PTBP3: variants seen among roughly 807,000 people sequenced by gnomAD.
The protein encoded by PTBP3 is polypyrimidine tract-binding protein 3.
PTBP3 carries 20 observed loss-of-function variants against 58.7 expected under a neutral mutation model. That is an observed-to-expected ratio of 0.34 (90% CI 0.24 to 0.50). The LOEUF (loss-of-function observed/expected upper bound fraction) is 0.50. Among genes scored for constraint, PTBP3 ranks in the 20% least tolerant of loss-of-function variants. PTBP3 has a pLI of 0.98. For synonymous variants in PTBP3, 185 were observed against 219.8 expected, an observed-to-expected ratio of 0.84 and a Z score of 1.40; for missense variants, 509 against 637.2, an observed-to-expected ratio of 0.80 and a Z score of 2.17.
intron 1 of PTBP3, among the ~76,000 whole-genome samples, chr9:112,302,124 T>C (rs1164642604): frequency 6.6e-6 from 1 of 152,000 alleles, no homozygotes; most frequent in African/African-American, 2.4e-5. Context: ...GAAAGGAACA[T>C]TACAAAACGC....
the PTBP3 span, among the ~76,000 whole-genome samples, chr9:112,343,766 G>A: frequency 1.3e-5 from 2 of 148,212 alleles, no homozygotes; most frequent in Admixed American, 6.8e-5. Context: ...ACCCCAGCCT[G>A]GGCAACAGAG....
chr9:112,306,659 C>A (rs1829234608), intron 1 of PTBP3, among the ~76,000 whole-genome samples: 1 of 151,238 alleles, frequency 6.6e-6, no homozygotes, highest in Admixed American at 6.6e-5. Flanking sequence ...CTCTGTCACC[C>A]AGGATGCAGT....
Position 112,225,993 on chromosome 9 carries a change from G to T in PTBP3, c.1364+1418C>A, listed in dbSNP as rs961501071. 3.3e-5 allele frequency among the ~76,000 whole-genome samples: 5 copies of T among 152,142 alleles called. No homozygotes were observed. In the East Asian group the frequency reaches 9.6e-4, roughly 29 times the overall value. ...TGGGAGGCAGAGGATGCAGTGAGCT[G>T]AGATCACACCACTGCACTACAGCCT... is the stretch of plus-strand genomic sequence containing the variant. On this transcript the variant is annotated intron_variant, in intron 12 of 13. Coordinates refer to ENST00000374257, the MANE Select transcript of PTBP3 (RefSeq NM_001163788.4).
intron 7 of PTBP3, among the ~76,000 whole-genome samples, chr9:112,247,349 C>T (rs1257842739): frequency 1.3e-5 from 2 of 151,568 alleles, no homozygotes; most frequent in Non-Finnish European, 2.9e-5. Context: ...AAGAAGTGTT[C>T]TGAATTAAAT....
intron 1 of PTBP3, among the ~76,000 whole-genome samples, chr9:112,319,130 G>GAAAA (rs1436224750): frequency 6.8e-5 from 2 of 29,466 alleles, no homozygotes; most frequent in African/African-American, 9.2e-5. Flanking sequence ...TCCGTCTCAA[G>GAAAA]AAAAAAAAAA....
chr9:112,294,529 A>C (rs1828584891), intron 2 of PTBP3, among the ~76,000 whole-genome samples: 1 of 152,198 alleles, frequency 6.6e-6, no homozygotes, highest in African/African-American at 2.4e-5. Context: ...AAAACAAAAC[A>C]AAACAAAAAA....
At chr9:112,343,712 AC>A in the PTBP3 span, among the ~76,000 whole-genome samples, 1 of 150,720 alleles carries the variant, frequency 6.6e-6, no homozygotes, top group East Asian at 2.0e-4. Context: ...AATCGCTTGA[AC>A]CCAGGAGGCG....
chr9:112,228,394 T>C lies in PTBP3; in HGVS notation c.1133A>G (p.Asn378Ser). The C allele has an allele frequency of 6.2e-7, 1 of 1,603,294 alleles. No individual in the cohort carries two copies. Among genetic ancestry groups the C allele is most frequent in the Non-Finnish European group, 8.5e-7 (1 of 1,176,628 alleles). Reference sequence around the variant, plus strand: ...ATCATTAGTACCTAGCTGAGCTTGATTTGCATCCGCCATCTGAACCAAGGC... The same window carrying C: ...ATCATTAGTACCTAGCTGAGCTTGACTTGCATCCGCCATCTGAACCAAGGC... ...ENALVQMADA[N>S]QAQLAMNHLS... The change falls in exon 11 of 14, where the codon AAT (asparagine) becomes AGT (serine). Residue 378 changes from asparagine (N) to serine (S), a missense_variant. By Grantham distance (46) the Asn-to-Ser change is conservative. Coordinates refer to ENST00000374257, the MANE Select transcript of PTBP3 (RefSeq NM_001163788.4).
chr9:112,309,224 C>A (rs1055231105), intron 1 of PTBP3, among the ~76,000 whole-genome samples: 1 of 151,798 alleles, frequency 6.6e-6, no homozygotes, highest in African/African-American at 2.4e-5. Context: ...TTAATAGCAT[C>A]TTAAATACTG....
intron 2 of PTBP3, among the ~76,000 whole-genome samples, chr9:112,284,068 A>G (rs1422804620): frequency 1.3e-5 from 2 of 152,212 alleles, no homozygotes; most frequent in Non-Finnish European, 2.9e-5. Flanking sequence ...TGGAGCCCTC[A>G]TAGAGAAGCT....
At chr9:112,308,523 G>A (rs900338261) in intron 1 of PTBP3, among the ~76,000 whole-genome samples, 6 of 151,766 alleles carry the variant, frequency 4.0e-5, no homozygotes, top group African/African-American at 1.5e-4. Flanking sequence ...GCAATTTTCC[G>A]TAAGGTTTGA....
chr9:112,371,572 G>A, the PTBP3 span, among the ~76,000 whole-genome samples: 11 of 151,484 alleles, frequency 7.3e-5, no homozygotes, highest in Admixed American at 7.2e-4. Flanking sequence ...AAGAGCTTTG[G>A]TGTATTTCTC....
rs10981356 is a variant in PTBP3, at chr9:112,322,017, C to G, written c.-52+11453G>C. ...AGGCATGGCAGCGTGTACCTGTAGT[C>G]TCAGCTACTTGGGAGGCTGAGGCAG... On this transcript the variant is annotated intron_variant, in intron 1 of 13. Transcript: ENST00000374257. Among the ~76,000 whole-genome samples the G allele has an allele frequency of 2.6e-5, 4 of 151,300 alleles. No individual in the cohort carries two copies. The Admixed American group carries it at 2.7e-4, about 10-fold the overall frequency.
chr9:112,246,692 C>CA (rs1264620462), intron 7 of PTBP3, among the ~76,000 whole-genome samples: 1,538 of 106,980 alleles, frequency 0.014, 28 homozygotes, highest in African/African-American at 0.042. Context: ...GACTCTGTCT[C>CA]AAAAAAAAAA....
chr9:112,332,162 T>C (rs1244111432), intron 1 of PTBP3, among the ~76,000 whole-genome samples: 2 of 152,274 alleles, frequency 1.3e-5, no homozygotes, highest in East Asian at 3.9e-4. Context: ...ACACCTACTG[T>C]GTACCCAAAA....
intron 1 of PTBP3, among the ~76,000 whole-genome samples, chr9:112,312,192 C>G (rs891783766): frequency 2.0e-5 from 3 of 151,998 alleles, no homozygotes; most frequent in South Asian, 2.1e-4. Flanking sequence ...AATGGAAAAG[C>G]CTGGCAGAAA....
chr9:112,321,461 G>A (rs950678462), intron 1 of PTBP3, among the ~76,000 whole-genome samples: 5 of 151,222 alleles, frequency 3.3e-5, no homozygotes, highest in African/African-American at 7.3e-5. Flanking sequence ...CCTGGGAGGC[G>A]GAGGTTGCAG....
Position 112,220,445 on chromosome 9 carries a change from A to G in PTBP3, c.*3406T>C. 8.7e-7 allele frequency: 1 copy of G among 1,150,250 alleles called. No individual in the cohort carries two copies. Among genetic ancestry groups the G allele is most frequent in the South Asian group, 1.8e-5 (1 of 54,362 alleles). 71.3% of individuals were successfully genotyped at this position (1,150,250 alleles called of 1,614,324 possible). A position where few individuals can be genotyped will look rare whatever the true frequency, so the allele number is the denominator to read the frequency against. ...TCATAGGAGCCACTTCTCATCAACT[A>G]AAACAGAACCCATGATTATCATACT... On this transcript the variant is annotated 3_prime_UTR_variant, in exon 14 of 14. Coordinates refer to ENST00000374257, the MANE Select transcript of PTBP3 (RefSeq NM_001163788.4).
intron 3 of PTBP3, among the ~76,000 whole-genome samples, chr9:112,268,712 C>CTA (rs1491498907): frequency 1.8e-4 from 17 of 94,066 alleles, no homozygotes; most frequent in African/African-American, 5.2e-4. Context: ...GACACCGTCT[C>CTA]AAAAAAAAAA....
Sources: allele counts gnomAD v4.1 joint callset (sites outside exome capture counted in the v4.1 genomes callset), GRCh38; gene constraint gnomAD v4.1.1; transcripts MANE v1.5; gene names NCBI Gene and HGNC (gene_info 2026-07-23, HGNC 2026-07-21).